The following CD2AP variants were observed in gnomAD, a reference collection of about 807,000 sequenced individuals.
CD2AP encodes the protein CD2 associated protein.
CD2AP carries 46 observed loss-of-function variants against 85.1 expected under a neutral mutation model. That is an observed-to-expected ratio of 0.54 (90% confidence interval 0.43 to 0.69). The LOEUF is 0.69. Ranked by LOEUF, CD2AP falls within the 30% of genes least tolerant of loss-of-function variation. The pLI is 0.00. For synonymous variants in CD2AP, 255 were observed against 252.9 expected (o/e 1.01, Z -0.08); for missense variants, 769 against 729.5 (o/e 1.05, Z -0.62).
chr6:47,478,237 C>A lies in CD2AP; in HGVS notation c.-8C>A, dbSNP rs758123465. ...GGACGTCGGCTTCTCCCCGCGGGAG[C>A]CCCCAGCATGGGTAAGAGACTCGGG... On this transcript the variant is annotated 5_prime_UTR_variant, in exon 1 of 18. Coordinates refer to ENST00000359314, the MANE Select transcript of CD2AP (RefSeq NM_012120.3). 8 of 1,571,206 alleles carry A rather than the reference C, an allele frequency of 5.1e-6. No homozygotes were observed. Among genetic ancestry groups the A allele is most frequent in the Admixed American group, 1.9e-5 (1 of 53,716 alleles).
intron 2 of CD2AP, among the ~76,000 whole-genome samples, chr6:47,505,873 G>C (rs1222852749): frequency 8.3e-6 from 1 of 120,578 alleles, no homozygotes; most frequent in Non-Finnish European, 1.8e-5. Flanking sequence ...CTCCCTCCCG[G>C]ATGGGGCGGC....
At chr6:47,547,336 G>A (rs187631235) in intron 4 of CD2AP, among the ~76,000 whole-genome samples, 16 of 152,198 alleles carry the variant, frequency 1.1e-4, no homozygotes, top group African/African-American at 3.8e-4. Context: ...ACTTAAAGAT[G>A]TAGAAAAAGA....
In CD2AP at chr6:47,540,307, A is replaced by T. The variant is rs1006018027; in HGVS notation, c.320-4299A>T. On this transcript the variant is annotated intron_variant, in intron 3 of 17. Transcript: ENST00000359314. ...TGCTTAGCATGGGTTCTGATACATTATAGAAATTAACATTTATTGACTTTG... is the reference window on the plus strand; with the variant it reads ...TGCTTAGCATGGGTTCTGATACATTTTAGAAATTAACATTTATTGACTTTG... 2.0e-5 allele frequency among the ~76,000 whole-genome samples: 3 copies of T among 151,874 alleles called. No homozygotes were observed. The East Asian group carries it at 5.8e-4, about 29-fold the overall frequency.
chr6:47,615,782 A>AATTTTT (rs1491383498), intron 17 of CD2AP, among the ~76,000 whole-genome samples: 4 of 145,144 alleles, frequency 2.8e-5, no homozygotes, highest in South Asian at 2.3e-4. Flanking sequence ...TTTTAATTTT[A>AATTTTT]ATTTAATTTA....
chr6:47,541,110 G>A (rs1183785408), intron 3 of CD2AP, among the ~76,000 whole-genome samples: 2 of 151,992 alleles, frequency 1.3e-5, no homozygotes, highest in Admixed American at 6.6e-5. Flanking sequence ...TATGGTTACT[G>A]TTCACTTTCT....
chr6:47,518,742 C>T (rs954825739), intron 2 of CD2AP, among the ~76,000 whole-genome samples: 1 of 152,212 alleles, frequency 6.6e-6, no homozygotes, highest in Non-Finnish European at 1.5e-5. Context: ...TTTCACATTT[C>T]CATCAGCAAT....
At chr6:47,545,414 C>T (rs947336816) in intron 4 of CD2AP, among the ~76,000 whole-genome samples, 10 of 152,274 alleles carry the variant, frequency 6.6e-5, no homozygotes, top group African/African-American at 2.4e-4. Flanking sequence ...TCCTTTCCTA[C>T]CCACCCTAGT....
At chr6:47,566,972 T>A (rs1467254849) in intron 5 of CD2AP, among the ~76,000 whole-genome samples, 2 of 152,190 alleles carry the variant, frequency 1.3e-5, no homozygotes, top group Non-Finnish European at 2.9e-5. Context: ...TCCTCTTAGC[T>A]TTTAAGAAGA....
chr6:47,623,444 A>G (rs955293753), intron 17 of CD2AP, among the ~76,000 whole-genome samples: 5 of 152,186 alleles, frequency 3.3e-5, no homozygotes, highest in Admixed American at 2.6e-4. Context: ...AAATCTTACC[A>G]TGACAAGTCC....
At chr6:47,606,411 G>A in intron 14 of CD2AP, 134 bp downstream of exon 14, 1 of 684,082 alleles carries the variant, frequency 1.5e-6, no homozygotes, top group African/African-American at 1.8e-5. Context: ...GCAAATGCTG[G>A]TATTTAAGGA....
intron 11 of CD2AP, among the ~76,000 whole-genome samples, chr6:47,594,601 T>A (rs1257194737): frequency 6.6e-6 from 1 of 152,070 alleles, no homozygotes; most frequent in African/African-American, 2.4e-5. Context: ...CTGGTTGTTA[T>A]AACTACAAAT....
chr6:47,505,170 C>T (rs1336648845), intron 2 of CD2AP, among the ~76,000 whole-genome samples: 3 of 143,332 alleles, frequency 2.1e-5, no homozygotes, highest in African/African-American at 7.8e-5. Context: ...GCAGAGGACC[C>T]TGCGGCCTTC....
intron 1 of CD2AP, among the ~76,000 whole-genome samples, chr6:47,484,997 A>G (rs1561998179): frequency 2.0e-5 from 3 of 152,160 alleles, no homozygotes; most frequent in African/African-American, 4.8e-5. Flanking sequence ...TAGTAGTGCA[A>G]CGCGTTACTC....
chr6:47,558,400 C>T (rs950724979), intron 5 of CD2AP, among the ~76,000 whole-genome samples: 3 of 152,090 alleles, frequency 2.0e-5, no homozygotes, highest in East Asian at 1.9e-4. Context: ...TGTCTTGTGC[C>T]GGTTTTCACA....
chr6:47,567,477 C>G (rs1335019156), intron 5 of CD2AP, among the ~76,000 whole-genome samples: 2 of 152,090 alleles, frequency 1.3e-5, no homozygotes, highest in African/African-American at 2.4e-5. Flanking sequence ...GATTTACCCC[C>G]CTTGTTTGAA....
At chr6:47,601,239 C>T (rs1425243815) in intron 13 of CD2AP, among the ~76,000 whole-genome samples, 1 of 151,782 alleles carries the variant, frequency 6.6e-6, no homozygotes, top group African/African-American at 2.4e-5. Context: ...GTTATTTACT[C>T]CCTATATAGT....
At chr6:47,601,957 C>T (rs1769151018) in intron 13 of CD2AP, among the ~76,000 whole-genome samples, 1 of 151,846 alleles carries the variant, frequency 6.6e-6, no homozygotes, top group South Asian at 2.1e-4. Context: ...TGATTTAGTA[C>T]ATGTATATGT....
At chr6:47,622,535 C>G (rs1158055241) in intron 17 of CD2AP, among the ~76,000 whole-genome samples, 3 of 152,176 alleles carry the variant, frequency 2.0e-5, no homozygotes, top group Admixed American at 6.5e-5. Flanking sequence ...CTCTACCCCC[C>G]TTGTATTTTG....
intron 5 of CD2AP, among the ~76,000 whole-genome samples, chr6:47,562,007 G>A (rs1031204966): frequency 2.0e-5 from 3 of 152,232 alleles, no homozygotes; most frequent in South Asian, 2.1e-4. Flanking sequence ...CTCGTGATCC[G>A]CCCACCTCGG....
Sources: allele counts gnomAD v4.1 joint callset (sites outside exome capture counted in the v4.1 genomes callset), GRCh38; gene constraint gnomAD v4.1.1; transcripts MANE v1.5; gene names NCBI Gene and HGNC (gene_info 2026-07-23, HGNC 2026-07-21).